R3HDM1: variants seen among roughly 807,000 people sequenced by gnomAD.
R3HDM1 encodes the protein R3H domain containing 1.
Under a neutral mutation model 141.1 loss-of-function variants are expected in R3HDM1, and 46 were observed. The observed-to-expected ratio is 0.33, with a 90% CI of 0.26 to 0.42. The LOEUF (loss-of-function observed/expected upper bound fraction) is 0.42, where lower values mean the gene tolerates loss of function less well. Ranked by LOEUF, R3HDM1 falls within the 10% of genes least tolerant of loss-of-function variation. The pLI is 1.00. For missense variants in R3HDM1, 1,184 were observed against 1,368.3 expected (o/e 0.87, Z 2.12); for synonymous variants, 435 against 472.9 (o/e 0.92, Z 1.04).
chr2:135,622,947 A>G, intron 7 of R3HDM1: 1 of 980,990 alleles, frequency 1.0e-6, no homozygotes, highest in Non-Finnish European at 1.2e-6. Context: ...TGATGTATGA[A>G]TTTTGGGAAA....
chr2:135,607,150 A>G (rs1166114898), intron 3 of R3HDM1: 1 of 182,260 alleles, frequency 5.5e-6, no homozygotes, highest in African/African-American at 2.4e-5. Context: ...CACCATGCTC[A>G]GCTAATTTTT....
intron 1 of R3HDM1, among the ~76,000 whole-genome samples, chr2:135,591,897 C>G (rs777404343): frequency 2.0e-5 from 3 of 152,176 alleles, no homozygotes; most frequent in African/African-American, 4.8e-5. Flanking sequence ...CTTTTGTTCT[C>G]TCCCCATGAG....
intron 1 of R3HDM1, chr2:135,533,937 C>T (rs1377575400): frequency 4.3e-6 from 4 of 922,030 alleles, no homozygotes; most frequent in African/African-American, 3.6e-5. Context: ...GTGCCTGACA[C>T]AGTTTGTGCA....
chr2:135,655,868 T>G (rs1269924651), intron 18 of R3HDM1, among the ~76,000 whole-genome samples: 2 of 152,294 alleles, frequency 1.3e-5, no homozygotes, highest in East Asian at 3.9e-4. Context: ...AATGGGCTTT[T>G]CTGTTTCTGC....
chr2:135,591,261 T>C (rs111786610), intron 1 of R3HDM1, among the ~76,000 whole-genome samples: 155 of 152,302 alleles, frequency 1.0e-3, no homozygotes, highest in African/African-American at 3.3e-3. Flanking sequence ...AGGATTTTCA[T>C]TGTGACCCTA....
chr2:135,659,898 T>C (rs13409578), intron 18 of R3HDM1, among the ~76,000 whole-genome samples: 4,728 of 152,320 alleles, frequency 0.031, 218 homozygotes, highest in African/African-American at 0.098. Context: ...TGATGTATTG[T>C]GCTATGACAT....
chr2:135,699,506 C>G (rs749940408), intron 21 of R3HDM1, among the ~76,000 whole-genome samples: 2 of 150,728 alleles, frequency 1.3e-5, no homozygotes, highest in African/African-American at 2.4e-5. Flanking sequence ...TAAACGAGGA[C>G]AAGGAGAGTA....
intron 7 of R3HDM1, among the ~76,000 whole-genome samples, chr2:135,625,597 T>C (rs1048423139): frequency 4.6e-5 from 7 of 152,196 alleles, no homozygotes; most frequent in South Asian, 2.1e-4. Flanking sequence ...TCTTTTTGTA[T>C]GCTAATGTTG....
At chr2:135,623,072 G>C (rs972062942) in intron 7 of R3HDM1, 3 of 969,408 alleles carry the variant, frequency 3.1e-6, no homozygotes, top group Middle Eastern at 5.2e-4. Flanking sequence ...TAAGAACTTA[G>C]TGTATTCACT....
intron 1 of R3HDM1, among the ~76,000 whole-genome samples, chr2:135,596,198 A>T (rs1225428525): frequency 6.6e-6 from 1 of 152,004 alleles, no homozygotes; most frequent in Admixed American, 6.6e-5. Context: ...GGGTTTCACC[A>T]TGTTGGCCAG....
At chr2:135,546,962 G>A (rs998085887) in intron 1 of R3HDM1, among the ~76,000 whole-genome samples, 2 of 152,038 alleles carry the variant, frequency 1.3e-5, no homozygotes, top group African/African-American at 2.4e-5. Flanking sequence ...ATGAGCCACC[G>A]CGCCCAGCCA....
At chr2:135,688,339 C>T (rs2071727214) in intron 21 of R3HDM1, among the ~76,000 whole-genome samples, 1 of 152,270 alleles carries the variant, frequency 6.6e-6, no homozygotes, top group Admixed American at 6.5e-5. Context: ...AGGAAATTCA[C>T]AGATGTGTAT....
Position 135,675,491 on chromosome 2 carries a change from A to G in R3HDM1, c.2307+5A>G. 1 of 1,609,116 alleles carries G rather than the reference A, an allele frequency of 6.2e-7. No individual in the cohort carries two copies. Among genetic ancestry groups the G allele is most frequent in the Non-Finnish European group, 8.5e-7 (1 of 1,176,514 alleles). On this transcript the variant is annotated splice_donor_5th_base_variant and intron_variant, in intron 20 of 26. Coordinates refer to ENST00000683871, the MANE Select transcript of R3HDM1 (RefSeq NM_001378107.1). ...ACTTCAGTGCCAACATATCAGGTATATTGTCTCTTTTATGTACTTTGGGTA... is the reference window on the plus strand; with the variant it reads ...ACTTCAGTGCCAACATATCAGGTATGTTGTCTCTTTTATGTACTTTGGGTA...
intron 1 of R3HDM1, among the ~76,000 whole-genome samples, chr2:135,593,276 C>G (rs1709769468): frequency 6.6e-6 from 1 of 152,122 alleles, no homozygotes; most frequent in African/African-American, 2.4e-5. Flanking sequence ...ATATTACACC[C>G]TGAGTTATTT....
At chr2:135,653,525 G>T (rs1208296497) in intron 18 of R3HDM1, among the ~76,000 whole-genome samples, 2 of 151,940 alleles carry the variant, frequency 1.3e-5, no homozygotes, top group African/African-American at 4.8e-5. Flanking sequence ...TATGTAGTAT[G>T]TTAGTTATTA....
At chr2:135,678,741 T>C (rs1433865680) in intron 20 of R3HDM1, among the ~76,000 whole-genome samples, 6 of 147,876 alleles carry the variant, frequency 4.1e-5, no homozygotes, top group African/African-American at 1.5e-4. Context: ...GTGGTTATAG[T>C]GGTTATACTG....
Position 135,602,571 on chromosome 2 carries a change from G to T in R3HDM1, c.-178G>T. The T allele has an allele frequency of 6.5e-7, 1 of 1,530,500 alleles. No individual in the cohort carries two copies. The highest frequency in any genetic ancestry group is 1.2e-5 in the South Asian group (1 of 80,006). 94.8% of individuals were successfully genotyped at this position (1,530,500 alleles called of 1,614,324 possible). ...TCCGGGAATCTACAGTGGTGACAAG[G>T]ACATGGGACTCCTCCTGCCAGATTA... On this transcript the variant is annotated 5_prime_UTR_variant, in exon 2 of 27. Transcript: ENST00000683871.
At chr2:135,673,437 A>G (rs945811981) in intron 19 of R3HDM1, among the ~76,000 whole-genome samples, 1 of 152,142 alleles carries the variant, frequency 6.6e-6, no homozygotes, top group African/African-American at 2.4e-5. Context: ...GAAATTTGTC[A>G]TTGTATGTTT....
At chr2:135,572,910 C>G (rs1296460270) in intron 1 of R3HDM1, among the ~76,000 whole-genome samples, 1 of 152,072 alleles carries the variant, frequency 6.6e-6, no homozygotes, top group Non-Finnish European at 1.5e-5. Context: ...CACAAAAGAC[C>G]ATATATTGTA....
Sources: allele counts gnomAD v4.1 joint callset (sites outside exome capture counted in the v4.1 genomes callset), GRCh38; gene constraint gnomAD v4.1.1; transcripts MANE v1.5; gene names NCBI Gene and HGNC (gene_info 2026-07-23, HGNC 2026-07-21).